Variants in HIP1R observed in about 807,000 individuals in gnomAD.
HIP1R encodes huntingtin-interacting protein 1-related protein.
HIP1R carries 135 observed loss-of-function variants against 144.2 expected under a neutral mutation model. The observed-to-expected ratio is 0.94, with a 90% CI of 0.81 to 1.08. The LOEUF (loss-of-function observed/expected upper bound fraction) is 1.08, where lower values mean the gene tolerates loss of function less well. Ranked by LOEUF, HIP1R falls within the 50% of genes least tolerant of loss-of-function variation. HIP1R has a pLI of 0.00. For synonymous variants in HIP1R, 698 were observed against 612.8 expected (o/e 1.14, Z -2.05); for missense variants, 1,462 against 1,432.8 (o/e 1.02, Z -0.33).
chr12:122,834,898 T>C, upstream of HIP1R: 1 of 1,229,902 alleles, frequency 8.1e-7, no homozygotes. Flanking sequence ...ACACATACAT[T>C]AAGACCAAAA....
chr12:122,855,677 T>C, intron 12 of HIP1R, 65 bp downstream of exon 12: 1 of 1,531,698 alleles, frequency 6.5e-7, no homozygotes, highest in Non-Finnish European at 8.9e-7. Flanking sequence ...AGCTGTGCTC[T>C]GGACAGTTCT....
intron 26 of HIP1R, 49 bp downstream of exon 26, chr12:122,860,259 C>G (rs560963681): frequency 6.5e-7 from 1 of 1,530,660 alleles, no homozygotes; most frequent in Non-Finnish European, 8.8e-7. Flanking sequence ...GCCTGACCCC[C>G]AGCCTAGGCC....
In HIP1R at chr12:122,856,134, G is replaced by A. The variant is rs778307156; in HGVS notation, c.1283G>A (p.Arg428Gln). ...AGGGCTGCCCAGCTGGAGGGCGAGC[G>A]GAGCCAGGGCCTGCGTGAGGAGGCT... ...QLRAAQLEGERSQGLREEAER... is the reference protein window; with the variant it reads ...QLRAAQLEGEQSQGLREEAER... Residue 428 changes from arginine to glutamine, a missense_variant, in exon 14 of 32, where the codon CGG (arginine) becomes CAG (glutamine). Around this residue, in one of 2 missense-constraint regions of HIP1R, gnomAD observed 1,112 missense variants for 1,011.7 expected, o/e 1.10. Transcript: ENST00000253083. 26 of 1,592,834 alleles carry A rather than the reference G, an allele frequency of 1.6e-5. No homozygotes were observed. Among genetic ancestry groups the A allele is most frequent in the South Asian group, 2.3e-5 (2 of 88,560 alleles).
Position 122,849,929 on chromosome 12 carries a change from C to G in HIP1R, c.412C>G (p.Leu138Val), listed in dbSNP as rs1363245634. 6.2e-7 allele frequency: 1 copy of G among 1,613,616 alleles called. No homozygotes were observed. The highest frequency in any genetic ancestry group is 1.1e-5 in the South Asian group (1 of 91,086). The change falls in exon 5 of 32, where the codon CTG (leucine) becomes GTG (valine). Residue 138 changes from leucine to valine, a missense_variant. Physicochemically the swap from Leu to Val is conservative, Grantham distance 32. Around this residue, in one of 2 missense-constraint regions of HIP1R, gnomAD observed 350 missense variants for 421.1 expected, o/e 0.83. Coordinates refer to ENST00000253083, the MANE Select transcript of HIP1R (RefSeq NM_003959.3). ...GGTGAATGTCTACACCAAGCTGCTGCTGACCAAGATCTCCTTCCACCTCAA... is the reference window on the plus strand; with the variant it reads ...GGTGAATGTCTACACCAAGCTGCTGGTGACCAAGATCTCCTTCCACCTCAA... ...QLVNVYTKLL[L>V]TKISFHLKHP...
At chr12:122,849,065 C>CT (rs1475652579) in intron 4 of HIP1R, among the ~76,000 whole-genome samples, 1 of 152,356 alleles carries the variant, frequency 6.6e-6, no homozygotes, top group East Asian at 1.9e-4. Flanking sequence ...CCTCCAGCGT[C>CT]GAAGTCACCC....
At chr12:122,848,163 G>A in intron 2 of HIP1R, 69 bp downstream of exon 2, 1 of 1,523,970 alleles carries the variant, frequency 6.6e-7, no homozygotes, top group Non-Finnish European at 9.1e-7. Flanking sequence ...GCTGCAGGTG[G>A]CCTGCGGTCA....
At position 122,859,904 on chromosome 12, in the gene HIP1R, T is replaced by C. The variant is rs1018522092; in HGVS notation, c.2465+74T>C. The C allele has an allele frequency of 1.9e-5, 29 of 1,507,172 alleles. 1 individual carries two copies. The African/African-American group carries it at 3.2e-4, about 17-fold the overall frequency. The allele number at this position is 1,507,172 out of a possible 1,614,324, so 93.4% of individuals were successfully genotyped here. On this transcript the variant is annotated intron_variant, in intron 24 of 31. Coordinates refer to ENST00000253083, the MANE Select transcript of HIP1R (RefSeq NM_003959.3). ...TGGCCCCTAAGGTTCTGCCCCCAACTGTTCTGCTCACGGGAAAGGAAGGCC... is the reference window on the plus strand; with the variant it reads ...TGGCCCCTAAGGTTCTGCCCCCAACCGTTCTGCTCACGGGAAAGGAAGGCC...
chr12:122,860,571 T>C, intron 27 of HIP1R, 48 bp downstream of exon 27: 1 of 1,574,978 alleles, frequency 6.3e-7, no homozygotes, highest in East Asian at 2.2e-5. Flanking sequence ...TCCTGCCAGT[T>C]GGAGCAGTTT....
At chr12:122,850,167 G>T in intron 5 of HIP1R, 1 of 679,444 alleles carries the variant, frequency 1.5e-6, no homozygotes, top group Non-Finnish European at 2.7e-6. Flanking sequence ...GTGGACGTGG[G>T]CACGGGCTTC....
At chr12:122,851,572 C>T (rs376965981) in intron 7 of HIP1R, among the ~76,000 whole-genome samples, 6 of 152,130 alleles carry the variant, frequency 3.9e-5, no homozygotes, top group South Asian at 2.1e-4. Flanking sequence ...TGGTGGCGCA[C>T]GCCTGTATTC....
At chr12:122,848,180 C>T in intron 2 of HIP1R, 86 bp downstream of exon 2, 1 of 1,424,412 alleles carries the variant, frequency 7.0e-7, no homozygotes, top group South Asian at 1.2e-5. Context: ...GTCAGCTGTG[C>T]CGGGGTCACA....
Position 122,861,370 on chromosome 12 carries a change from G to A in HIP1R, c.3015G>A (p.Arg1005=). The A allele has an allele frequency of 6.2e-7, 1 of 1,613,620 alleles. No individual in the cohort carries two copies. The highest frequency in any genetic ancestry group is 1.1e-5 in the South Asian group (1 of 91,076). The part of the protein sequence containing the change: ...EAERMRLGEL[R]KQHYVLAGAS... ...AACGCATGCGGCTGGGGGAGTTGCGGAAGCAACACTACGTGCTGGCTGGGG... is the reference window on the plus strand; with the variant it reads ...AACGCATGCGGCTGGGGGAGTTGCGAAAGCAACACTACGTGCTGGCTGGGG... Residue 1005 remains arginine, a synonymous_variant, in exon 31 of 32, where the codon CGG becomes CGA. Coordinates refer to ENST00000253083, the MANE Select transcript of HIP1R (RefSeq NM_003959.3).
Position 122,861,100 on chromosome 12 carries a change from A to G in HIP1R, c.2891-31A>G, listed in dbSNP as rs1193428675. The stretch of plus-strand genomic sequence containing the variant: ...CGAGGCTGAATGGGGGTGGGTGCCC[A>G]GATGTTCACCCCCTTGTCCTCCGGC... On this transcript the variant is annotated intron_variant, in intron 29 of 31. Transcript: ENST00000253083. 4.3e-6 allele frequency: 7 copies of G among 1,613,382 alleles called. No homozygotes were observed. The South Asian group carries it at 6.6e-5, about 15-fold the overall frequency.
chr12:122,837,261 G>T (rs1020604863), intron 1 of HIP1R, among the ~76,000 whole-genome samples: 1 of 151,930 alleles, frequency 6.6e-6, no homozygotes, highest in African/African-American at 2.4e-5. Context: ...GTCAAAGAGA[G>T]AATCTCTGAT....
rs1414299562 is a variant in HIP1R, at chr12:122,858,252, A to G, written c.1963+3A>G. The G allele has an allele frequency of 1.3e-6, 2 of 1,585,438 alleles. No individual in the cohort carries two copies. The highest frequency in any genetic ancestry group is 2.3e-5 in the East Asian group (1 of 44,152). ...CCTGCGCTGTACCAGCTCCCCAGGT[A>G]GACAGTGGGGCCACACTCAGCCGCT... On this transcript the variant is annotated splice_donor_region_variant and intron_variant, in intron 19 of 31. Coordinates refer to ENST00000253083, the MANE Select transcript of HIP1R (RefSeq NM_003959.3).
rs1021323289 is a variant in HIP1R, at chr12:122,854,164, C to G, written c.699C>G (p.Leu233=). The stretch of plus-strand genomic sequence containing the variant: ...ACCTCTACCACTACACGGTCAAGCT[C>G]CTGTTCAAGCTACACTCTTGTGAGT... ...CSHLYHYTVK[L]LFKLHSCLPA... The change falls in exon 8 of 32, where the codon CTC becomes CTG. Residue 233 remains leucine (L), a synonymous_variant. Coordinates refer to ENST00000253083, the MANE Select transcript of HIP1R (RefSeq NM_003959.3). 4 of 1,613,700 alleles carry G rather than the reference C, an allele frequency of 2.5e-6. No individual in the cohort carries two copies. In the African/African-American group the frequency reaches 5.3e-5, roughly 22 times the overall value.
At chr12:122,850,106 G>A in intron 5 of HIP1R, 151 bp downstream of exon 5, 2 of 711,654 alleles carry the variant, frequency 2.8e-6, no homozygotes, top group Admixed American at 2.0e-5. Context: ...CTAAAGGGGA[G>A]ACGGGGAAGC....
At chr12:122,838,265 G>T (rs1167713980) in intron 1 of HIP1R, among the ~76,000 whole-genome samples, 1 of 151,902 alleles carries the variant, frequency 6.6e-6, no homozygotes, top group Non-Finnish European at 1.5e-5. Flanking sequence ...AATCCCAGGG[G>T]AATGTCCAGA....
rs759990337 is a variant in HIP1R at position 122,860,539 on chromosome 12, TG to T, written c.2660+25del. The T allele has an allele frequency of 4.5e-4, 398 of 893,266 alleles. No homozygotes were observed. The highest frequency in any genetic ancestry group is 1.1e-3 in the East Asian group (40 of 34,942). 55.3% of individuals were successfully genotyped at this position (893,266 alleles called of 1,614,324 possible). On this transcript the variant is annotated intron_variant, in intron 27 of 31. Transcript: ENST00000253083. ...CACAGCTGGTGTAGGTTGCCCTGGG[TG>T]GGGGGGGGCAGGGGGCTGCTTCCTG...
Sources: gnomAD v4.1 joint callset for allele counts (sites outside exome capture counted in the v4.1 genomes callset) on GRCh38, gnomAD v4.1.1 for gene constraint, gnomAD v4.1.1 regional missense constraint, MANE v1.5 for transcripts, NCBI Gene and HGNC (gene_info 2026-07-23, HGNC 2026-07-21) for gene names.